Variants in MCTP1 observed in about 807,000 individuals in gnomAD.
MCTP1 encodes multiple C2 and transmembrane domain containing 1.
A neutral mutation model predicts 120.6 loss-of-function variants in MCTP1; 69 were observed. The ratio of observed to expected loss-of-function variants is 0.57; its 90% CI spans 0.47 to 0.70. The LOEUF is 0.70. Ranked by LOEUF, MCTP1 falls within the 30% of genes least tolerant of loss-of-function variation. MCTP1 has a pLI of 0.00. For synonymous variants in MCTP1, 529 were observed against 493.1 expected, an observed-to-expected ratio of 1.07 and a Z score of -0.96; for missense variants, 1,203 against 1,248.8, an observed-to-expected ratio of 0.96 and a Z score of 0.55.
rs1431239784 is a variant in MCTP1 at position 94,940,070 on chromosome 5, G to C, written c.1173+14C>G. 2.0e-6 allele frequency: 3 copies of C among 1,473,684 alleles called. No homozygotes were observed. The highest frequency in any genetic ancestry group is 1.9e-6 in the Non-Finnish European group (2 of 1,059,104). 91.3% of individuals were successfully genotyped at this position (1,473,684 alleles called of 1,614,324 possible). On this transcript the variant is annotated intron_variant, in intron 5 of 22. Coordinates refer to ENST00000515393, the MANE Select transcript of MCTP1 (RefSeq NM_024717.7). ...AACAAGAAAGAGCTCCTACTAGGCT[G>C]TGGGGGAACTTACCACATCCCTGGA...
intron 1 of MCTP1, among the ~76,000 whole-genome samples, chr5:95,055,590 A>C (rs1397542548): frequency 6.6e-6 from 1 of 152,232 alleles, no homozygotes; most frequent in Non-Finnish European, 1.5e-5. Context: ...AGCTCAGACA[A>C]TCCAACTAAA....
intron 7 of MCTP1, among the ~76,000 whole-genome samples, chr5:94,922,784 G>A (rs936754643): frequency 7.2e-5 from 11 of 152,034 alleles, no homozygotes; most frequent in South Asian, 4.1e-4. Context: ...CACCAGGCCC[G>A]GCCAGTGAAA....
intron 1 of MCTP1, among the ~76,000 whole-genome samples, chr5:95,147,909 C>T (rs1418425266): frequency 6.6e-6 from 1 of 152,158 alleles, no homozygotes; most frequent in East Asian, 1.9e-4. Flanking sequence ...AACAACTTCC[C>T]ATAGTGTTTG....
At chr5:94,816,347 C>T (rs1211332897) in intron 17 of MCTP1, among the ~76,000 whole-genome samples, 2 of 152,018 alleles carry the variant, frequency 1.3e-5, no homozygotes, top group African/African-American at 4.8e-5. Flanking sequence ...CCCTCTCCCT[C>T]AACTATAAAA....
intron 1 of MCTP1, among the ~76,000 whole-genome samples, chr5:95,069,870 TTTA>T (rs1751695101): frequency 6.6e-6 from 1 of 151,860 alleles, no homozygotes; most frequent in Non-Finnish European, 1.5e-5. Context: ...GGCTATTTTT[TTTA>T]TTTTTATTTT....
intron 17 of MCTP1, among the ~76,000 whole-genome samples, chr5:94,834,470 T>A (rs540748104): frequency 2.6e-5 from 4 of 152,320 alleles, no homozygotes; most frequent in African/African-American, 9.6e-5. Context: ...AAGCTACAAC[T>A]GCGTTTTATC....
chr5:94,938,999 T>TAGG (rs1816889964), intron 5 of MCTP1, among the ~76,000 whole-genome samples: 1 of 152,128 alleles, frequency 6.6e-6, no homozygotes, highest in Admixed American at 6.6e-5. Flanking sequence ...CTGGCAATTC[T>TAGG]TATTTAAAAA....
chr5:95,086,298 G>A (rs1016298667), intron 1 of MCTP1, among the ~76,000 whole-genome samples: 7 of 152,122 alleles, frequency 4.6e-5, no homozygotes, highest in Admixed American at 2.0e-4. Flanking sequence ...AGACCATAGA[G>A]TCAATACATA....
At position 94,909,418 on chromosome 5, in the gene MCTP1, G is replaced by T. The variant is rs137912128; in HGVS notation, c.1522-37C>A. ...AATCATAATTGTCATATTGCTAGCAGCTTTTTAAAAAAAACTTCAACCTGA... is the reference window on the plus strand; with the variant it reads ...AATCATAATTGTCATATTGCTAGCATCTTTTTAAAAAAAACTTCAACCTGA... On this transcript the variant is annotated intron_variant, in intron 9 of 22. Coordinates refer to ENST00000515393, the MANE Select transcript of MCTP1 (RefSeq NM_024717.7). The T allele has an allele frequency of 2.0e-4, 314 of 1,555,422 alleles. 1 individual carries two copies. The African/African-American group carries it at 4.0e-3, about 20-fold the overall frequency.
At chr5:95,011,795 G>A (rs1836017727) in intron 2 of MCTP1, among the ~76,000 whole-genome samples, 1 of 152,106 alleles carries the variant, frequency 6.6e-6, no homozygotes, top group Non-Finnish European at 1.5e-5. Context: ...GTGTGAGAAT[G>A]GACTAATACA....
chr5:94,720,083 G>A (rs771560963), intron 19 of MCTP1, among the ~76,000 whole-genome samples: 2 of 151,864 alleles, frequency 1.3e-5, no homozygotes, highest in East Asian at 1.9e-4. Context: ...CTGAGATCGC[G>A]CCATTGCACT....
At chr5:94,803,210 G>T (rs1580770192) in intron 17 of MCTP1, among the ~76,000 whole-genome samples, 1 of 152,138 alleles carries the variant, frequency 6.6e-6, no homozygotes, top group South Asian at 2.1e-4. Context: ...TTTACAATTA[G>T]AATTCAATAC....
chr5:94,771,318 G>T (rs1394949894), intron 19 of MCTP1, among the ~76,000 whole-genome samples: 1 of 152,130 alleles, frequency 6.6e-6, no homozygotes, highest in Non-Finnish European at 1.5e-5. Flanking sequence ...GGGAGAAAGT[G>T]TAAATCTTCA....
chr5:95,262,972 G>A (rs1238768515), intron 1 of MCTP1, among the ~76,000 whole-genome samples: 1 of 152,098 alleles, frequency 6.6e-6, no homozygotes, highest in Admixed American at 6.5e-5. Context: ...GAAGCAAAGG[G>A]AGTGACTACA....
intron 1 of MCTP1, among the ~76,000 whole-genome samples, chr5:95,142,641 T>G (rs901588380): frequency 6.6e-6 from 1 of 152,126 alleles, no homozygotes; most frequent in African/African-American, 2.4e-5. Context: ...AAACCTCTGT[T>G]GAATAAATTT....
At chr5:94,775,677 C>G (rs1775136101) in intron 19 of MCTP1, among the ~76,000 whole-genome samples, 5 of 151,990 alleles carry the variant, frequency 3.3e-5, no homozygotes, top group African/African-American at 1.2e-4. Context: ...TAACATAGTG[C>G]TACTACATAA....
chr5:95,166,167 G>C (rs1746323629), intron 1 of MCTP1: 1 of 152,172 alleles, frequency 6.6e-6, no homozygotes, highest in Non-Finnish European at 1.5e-5. Flanking sequence ...TGTTGTATAG[G>C]TGAAAACTGC....
intron 17 of MCTP1, among the ~76,000 whole-genome samples, chr5:94,801,576 C>T (rs1781242793): frequency 6.6e-6 from 1 of 152,160 alleles, no homozygotes; most frequent in South Asian, 2.1e-4. Flanking sequence ...ATTCATTTGA[C>T]TTAGTGTGTT....
intron 12 of MCTP1, among the ~76,000 whole-genome samples, chr5:94,880,676 G>T (rs1383897455): frequency 2.0e-5 from 3 of 152,048 alleles, no homozygotes; most frequent in Admixed American, 2.0e-4. Flanking sequence ...TTCATCCAGG[G>T]CTTGCATCAT....
Sources: gnomAD v4.1 joint callset for allele counts (sites outside exome capture counted in the v4.1 genomes callset) on GRCh38, gnomAD v4.1.1 for gene constraint, MANE v1.5 for transcripts, NCBI Gene and HGNC (gene_info 2026-07-23, HGNC 2026-07-21) for gene names.